FAM78B: variants seen among roughly 807,000 people sequenced by gnomAD.
FAM78B encodes the protein family with sequence similarity 78 member B.
FAM78B carries 10 observed loss-of-function variants against 20.0 expected under a neutral mutation model. The ratio of observed to expected loss-of-function variants is 0.50; its 90% CI spans 0.31 to 0.85. The LOEUF is 0.85. Among genes scored for constraint, FAM78B ranks in the 40% least tolerant of loss-of-function variants. The probability of loss-of-function intolerance (pLI) is 0.05; values close to 1 mark genes in which losing one functional copy is unlikely to be tolerated. For synonymous variants in FAM78B, 135 were observed against 132.8 expected (o/e 1.02, Z -0.12); for missense variants, 283 against 345.0 (o/e 0.82, Z 1.42).
chr1:166,165,668 G>T (rs1424202206), intron 1 of FAM78B, among the ~76,000 whole-genome samples: 1 of 152,012 alleles, frequency 6.6e-6, no homozygotes. Flanking sequence ...CCTGAAACTC[G>T]CCAGGCACTC....
chr1:166,143,643 G>C (rs933949523), intron 1 of FAM78B, among the ~76,000 whole-genome samples: 5 of 152,224 alleles, frequency 3.3e-5, no homozygotes, highest in African/African-American at 9.6e-5. Flanking sequence ...GGAAGCATGT[G>C]GAACCAGGAG....
intron 1 of FAM78B, among the ~76,000 whole-genome samples, chr1:166,076,284 G>A (rs933304088): frequency 6.6e-6 from 1 of 152,070 alleles, no homozygotes. Flanking sequence ...CTCTCTGATT[G>A]TATCTCCTTT....
At chr1:166,146,528 A>T (rs991316762) in intron 1 of FAM78B, among the ~76,000 whole-genome samples, 9 of 152,200 alleles carry the variant, frequency 5.9e-5, no homozygotes, top group Non-Finnish European at 1.3e-4. Flanking sequence ...AGATTTCTAT[A>T]ACCTAACTGG....
intron 1 of FAM78B, among the ~76,000 whole-genome samples, chr1:166,133,222 C>T (rs1294193556): frequency 6.6e-6 from 1 of 152,144 alleles, no homozygotes; most frequent in East Asian, 1.9e-4. Flanking sequence ...CTGAGCTGTG[C>T]ACAGCTGCAT....
At chr1:166,155,807 G>C (rs1233116571) in intron 1 of FAM78B, among the ~76,000 whole-genome samples, 1 of 151,794 alleles carries the variant, frequency 6.6e-6, no homozygotes, top group Non-Finnish European at 1.5e-5. Context: ...GGGAATAGAA[G>C]GTAAGTAAGA....
chr1:166,146,948 GATCCTCAC>G (rs1281895730), intron 1 of FAM78B, among the ~76,000 whole-genome samples: 3 of 152,164 alleles, frequency 2.0e-5, no homozygotes, highest in Non-Finnish European at 2.9e-5. Flanking sequence ...TTGCAGGTCT[GATCCTCAC>G]ATCACCAAGC....
At chr1:166,123,374 TC>T (rs1654530606) in intron 1 of FAM78B, among the ~76,000 whole-genome samples, 1 of 152,188 alleles carries the variant, frequency 6.6e-6, no homozygotes, top group African/African-American at 2.4e-5. Flanking sequence ...CAACCCCTCT[TC>T]TCCATTCCTA....
Position 166,164,085 on chromosome 1 carries a change from G to A in FAM78B, c.263+1901C>T, listed in dbSNP as rs147559692. ...TATATCTCAACTTGACTTCTCCTAA[G>A]GTAAAGTAAGTTTTACGGAAATAAT... On this transcript the variant is annotated intron_variant, in intron 1 of 1. Coordinates refer to ENST00000354422, the MANE Select transcript of FAM78B (RefSeq NM_001017961.5). Among the ~76,000 whole-genome samples the A allele has an allele frequency of 1.5e-4, 23 of 152,272 alleles. 2 individuals carry two copies. Among genetic ancestry groups the A allele is most frequent in the African/African-American group, 4.8e-4 (20 of 41,572 alleles).
intron 1 of FAM78B, among the ~76,000 whole-genome samples, chr1:166,084,237 A>ACACACACTCTCTCTCTCT (rs771421402): frequency 1.1e-4 from 14 of 125,474 alleles, no homozygotes; most frequent in Admixed American, 6.6e-4. Flanking sequence ...ACACACACAC[A>ACACACACTCTCTCTCTCT]CTCTCTCTCT....
chr1:166,121,686 T>C (rs1271953862), intron 1 of FAM78B, among the ~76,000 whole-genome samples: 1 of 152,144 alleles, frequency 6.6e-6, no homozygotes, highest in Non-Finnish European at 1.5e-5. Flanking sequence ...GTCCCAAGCA[T>C]TTTACATGTG....
At chr1:166,140,910 T>C (rs1360534068) in intron 1 of FAM78B, among the ~76,000 whole-genome samples, 1 of 152,150 alleles carries the variant, frequency 6.6e-6, no homozygotes, top group Non-Finnish European at 1.5e-5. Flanking sequence ...CAGGTAATAT[T>C]ATCATTAGTG....
At chr1:166,108,034 A>G (rs2101753859) in intron 1 of FAM78B, among the ~76,000 whole-genome samples, 1 of 152,342 alleles carries the variant, frequency 6.6e-6, no homozygotes, top group East Asian at 1.9e-4. Flanking sequence ...CACAGCCAAC[A>G]TAATACTGAA....
At chr1:166,099,900 T>A (rs1012707813) in intron 1 of FAM78B, among the ~76,000 whole-genome samples, 4 of 152,116 alleles carry the variant, frequency 2.6e-5, no homozygotes, top group Non-Finnish European at 4.4e-5. Flanking sequence ...AACAATGGAT[T>A]TAAACTATAC....
chr1:166,079,124 A>T (rs1346893653), intron 1 of FAM78B, among the ~76,000 whole-genome samples: 1 of 152,086 alleles, frequency 6.6e-6, no homozygotes, highest in Non-Finnish European at 1.5e-5. Flanking sequence ...AAAGAGATGG[A>T]GTCTTGCTAT....
intron 1 of FAM78B, among the ~76,000 whole-genome samples, chr1:166,144,399 A>G (rs2101792115): frequency 6.6e-6 from 1 of 152,342 alleles, no homozygotes; most frequent in South Asian, 2.1e-4. Context: ...GAAATGAAAG[A>G]GACAGATTTA....
intron 1 of FAM78B, among the ~76,000 whole-genome samples, chr1:166,144,279 TG>T (rs1655380368): frequency 6.6e-6 from 1 of 151,872 alleles, no homozygotes; most frequent in African/African-American, 2.4e-5. Flanking sequence ...TGAGTAAGGC[TG>T]GGGAGTGGTG....
intron 1 of FAM78B, among the ~76,000 whole-genome samples, chr1:166,140,222 G>A (rs1374950580): frequency 6.6e-6 from 1 of 152,240 alleles, no homozygotes; most frequent in East Asian, 1.9e-4. Flanking sequence ...ACTCTTTCCC[G>A]TAGCACAATC....
At chr1:166,109,871 T>C (rs1453239867) in intron 1 of FAM78B, among the ~76,000 whole-genome samples, 1 of 12,370 alleles carries the variant, frequency 8.1e-5, no homozygotes, top group African/African-American at 2.6e-4. Context: ...TGTATGTGTA[T>C]ATATATATAT....
intron 1 of FAM78B, among the ~76,000 whole-genome samples, chr1:166,078,119 C>T (rs1192732132): frequency 6.6e-6 from 1 of 151,146 alleles, no homozygotes; most frequent in Non-Finnish European, 1.5e-5. Flanking sequence ...GCAACCTCCG[C>T]CTCTTGGGTT....
Sources: gnomAD v4.1 joint callset for allele counts (sites outside exome capture counted in the v4.1 genomes callset) on GRCh38, gnomAD v4.1.1 for gene constraint, MANE v1.5 for transcripts, NCBI Gene and HGNC (gene_info 2026-07-23, HGNC 2026-07-21) for gene names.